The following RBFOX1 variants were observed in gnomAD, a reference collection of about 807,000 sequenced individuals.
RBFOX1 encodes the protein RNA binding fox-1 homolog 1, also known as RNA binding protein fox-1 homolog 1.
RBFOX1 carries 8 observed loss-of-function variants against 57.7 expected under a neutral mutation model. That is an observed-to-expected ratio of 0.14 (90% confidence interval 0.08 to 0.25). The LOEUF (loss-of-function observed/expected upper bound fraction) is 0.25. Among genes scored for constraint, RBFOX1 ranks in the 10% least tolerant of loss-of-function variants. The pLI, the probability that RBFOX1 is intolerant of heterozygous loss-of-function variation, is 1.00. For synonymous variants in RBFOX1, 326 were observed against 222.4 expected (o/e 1.47, Z -4.15); for missense variants, 611 against 548.5 (o/e 1.11, Z -1.14).
intron 4 of RBFOX1, among the ~76,000 whole-genome samples, chr16:7,341,133 G>A (rs986674553): frequency 2.6e-5 from 4 of 151,914 alleles, no homozygotes; most frequent in African/African-American, 7.3e-5. Flanking sequence ...TTTTTCCCCC[G>A]TCTAAAGATA....
intron 2 of RBFOX1, among the ~76,000 whole-genome samples, chr16:6,567,298 A>G (rs776334122): frequency 6.6e-6 from 1 of 152,144 alleles, no homozygotes; most frequent in Non-Finnish European, 1.5e-5. Context: ...GCAAATTATT[A>G]TTGTCCTGAA....
intron 4 of RBFOX1, among the ~76,000 whole-genome samples, chr16:7,086,957 C>T (rs1246528441): frequency 6.6e-6 from 1 of 152,156 alleles, no homozygotes; most frequent in Non-Finnish European, 1.5e-5. Context: ...CACACCCTGG[C>T]TGAGAGCCCT....
At chr16:6,822,341 G>C (rs2091449562) in intron 3 of RBFOX1, among the ~76,000 whole-genome samples, 1 of 152,160 alleles carries the variant, frequency 6.6e-6, no homozygotes, top group South Asian at 2.1e-4. Flanking sequence ...TTGACTCTCA[G>C]CCATTCTGTG....
intron 4 of RBFOX1, among the ~76,000 whole-genome samples, chr16:7,159,476 G>A (rs2077831826): frequency 6.6e-6 from 1 of 152,198 alleles, no homozygotes; most frequent in South Asian, 2.1e-4. Flanking sequence ...CATGAGGGCT[G>A]TCACTAAGGG....
chr16:6,613,909 G>C (rs908077716), intron 2 of RBFOX1, among the ~76,000 whole-genome samples: 14 of 152,174 alleles, frequency 9.2e-5, no homozygotes, highest in African/African-American at 3.1e-4. Context: ...CTGCACTCCA[G>C]CCTGGGCGAC....
At chr16:7,210,323 T>A (rs1052373024) in intron 4 of RBFOX1, among the ~76,000 whole-genome samples, 1 of 152,130 alleles carries the variant, frequency 6.6e-6, no homozygotes, top group Non-Finnish European at 1.5e-5. Context: ...TTGGCAACTC[T>A]TGGGCAGGAG....
chr16:6,576,326 G>A (rs1385879723), intron 2 of RBFOX1, among the ~76,000 whole-genome samples: 2 of 152,270 alleles, frequency 1.3e-5, no homozygotes, highest in African/African-American at 2.4e-5. Context: ...CCCCAAACAC[G>A]CACATCTTTG....
At chr16:5,722,094 G>A (rs1596963381) in intron 3 of RBFOX1, among the ~76,000 whole-genome samples, 1 of 152,182 alleles carries the variant, frequency 6.6e-6, no homozygotes, top group South Asian at 2.1e-4. Flanking sequence ...GCCTTTAAAA[G>A]AACCAGGTTG....
intron 3 of RBFOX1, among the ~76,000 whole-genome samples, chr16:5,809,673 C>A (rs1190821822): frequency 6.6e-6 from 1 of 152,172 alleles, no homozygotes; most frequent in Non-Finnish European, 1.5e-5. Context: ...AGTCAGGAAA[C>A]AACAGGTGCT....
At chr16:6,687,190 G>A (rs920546408) in intron 3 of RBFOX1, among the ~76,000 whole-genome samples, 1 of 152,120 alleles carries the variant, frequency 6.6e-6, no homozygotes, top group East Asian at 1.9e-4. Context: ...TTAACATCAG[G>A]TAGTAAATAC....
At chr16:7,600,242 T>C (rs1199204749) in intron 9 of RBFOX1, among the ~76,000 whole-genome samples, 2 of 152,164 alleles carry the variant, frequency 1.3e-5, no homozygotes, top group African/African-American at 2.4e-5. Flanking sequence ...GTATGGCACC[T>C]AAGGGGTTGA....
intron 1 of RBFOX1, among the ~76,000 whole-genome samples, chr16:5,398,983 T>A (rs895079375): frequency 3.9e-5 from 6 of 152,210 alleles, no homozygotes; most frequent in Admixed American, 3.9e-4. Flanking sequence ...CCAGCTTTTC[T>A]CCTTCTCTTC....
chr16:7,219,601 A>T (rs2092562783), intron 4 of RBFOX1, among the ~76,000 whole-genome samples: 3 of 152,194 alleles, frequency 2.0e-5, no homozygotes. Flanking sequence ...TTGTAGAAAG[A>T]ACAAGCGTGG....
At chr16:6,520,953 A>T (rs573024985) in intron 2 of RBFOX1, among the ~76,000 whole-genome samples, 2 of 151,664 alleles carry the variant, frequency 1.3e-5, no homozygotes, top group Non-Finnish European at 2.9e-5. Flanking sequence ...GGGGGAAAAA[A>T]ATAATTGCTT....
intron 4 of RBFOX1, among the ~76,000 whole-genome samples, chr16:7,463,330 C>T (rs765080862): frequency 2.1e-4 from 32 of 152,236 alleles, no homozygotes; most frequent in Non-Finnish European, 4.1e-4. Flanking sequence ...ATGGTGTAAC[C>T]ACATTTCTAC....
intron 3 of RBFOX1, among the ~76,000 whole-genome samples, chr16:5,660,968 A>C (rs1029346407): frequency 6.6e-5 from 10 of 152,134 alleles, no homozygotes; most frequent in African/African-American, 2.4e-4. Context: ...GGCTTGATAT[A>C]GGGTTGAGGA....
At chr16:6,135,785 CTTTTTTTTTTT>C (rs35563303) in intron 1 of RBFOX1, among the ~76,000 whole-genome samples, 3 of 85,034 alleles carry the variant, frequency 3.5e-5, no homozygotes, top group African/African-American at 1.1e-4. Context: ...CTCGTTTCGA[CTTTTTTTTTTT>C]TTTTTTTTTT....
chr16:6,624,141 G>A (rs2072799902), intron 2 of RBFOX1, among the ~76,000 whole-genome samples: 1 of 152,128 alleles, frequency 6.6e-6, no homozygotes, highest in African/African-American at 2.4e-5. Context: ...CAAAATATAA[G>A]TATGCAAAGG....
intron 1 of RBFOX1, among the ~76,000 whole-genome samples, chr16:6,300,545 C>G (rs896497611): frequency 6.6e-6 from 1 of 152,170 alleles, no homozygotes; most frequent in Non-Finnish European, 1.5e-5. Flanking sequence ...AAGTATTTAG[C>G]GGAGTACTCA....
Sources: allele counts gnomAD v4.1 joint callset (sites outside exome capture counted in the v4.1 genomes callset), GRCh38; gene constraint gnomAD v4.1.1; transcripts MANE v1.5; gene names NCBI Gene and HGNC (gene_info 2026-07-23, HGNC 2026-07-21).